The following PTPRT variants were observed in gnomAD, a reference collection of about 807,000 sequenced individuals.
The protein encoded by PTPRT is protein tyrosine phosphatase receptor type T, also known as receptor-type tyrosine-protein phosphatase T.
A neutral mutation model predicts 176.8 loss-of-function variants in PTPRT; 56 were observed. The ratio of observed to expected loss-of-function variants is 0.32; its 90% CI spans 0.26 to 0.40. The LOEUF (loss-of-function observed/expected upper bound fraction) is 0.40. PTPRT is among the 10% of genes least tolerant of loss of function. PTPRT has a pLI of 1.00. For missense variants in PTPRT, 1,540 were observed against 1,908.2 expected, an observed-to-expected ratio of 0.81 and a Z score of 3.60; for synonymous variants, 783 against 739.0, an observed-to-expected ratio of 1.06 and a Z score of -0.96.
chr20:42,088,412 C>T (rs1212846362), intron 27 of PTPRT, among the ~76,000 whole-genome samples: 6 of 152,190 alleles, frequency 3.9e-5, no homozygotes, highest in South Asian at 2.1e-4. Flanking sequence ...ACAGCCATCT[C>T]ACCCTGAGAA....
At chr20:42,465,764 GT>G (rs2071092212) in intron 8 of PTPRT, among the ~76,000 whole-genome samples, 2 of 152,126 alleles carry the variant, frequency 1.3e-5, no homozygotes, top group African/African-American at 4.8e-5. Context: ...TTTTAATGGT[GT>G]TTTTATTTCT....
chr20:42,178,030 T>G (rs1054351545), intron 16 of PTPRT, among the ~76,000 whole-genome samples: 3 of 151,992 alleles, frequency 2.0e-5, no homozygotes, highest in Non-Finnish European at 4.4e-5. Flanking sequence ...CTCTGCCACC[T>G]GGGTTCAAGC....
In PTPRT at chr20:42,562,724, T is replaced by C. The variant is rs997696221; in HGVS notation, c.1154-90162A>G. On this transcript the variant is annotated intron_variant, in intron 7 of 30. Coordinates refer to ENST00000373187, the MANE Select transcript of PTPRT (RefSeq NM_007050.6). ...CACCTGAGGCTCAGCAGGTTCTACA[T>C]GGAGTCCATCACCCTCATCACTCAG... Among the ~76,000 whole-genome samples the C allele has an allele frequency of 8.5e-5, 13 of 152,304 alleles. No homozygotes were observed. The East Asian group carries it at 2.1e-3, about 25-fold the overall frequency.
chr20:43,173,209 T>G (rs895617231), intron 1 of PTPRT, among the ~76,000 whole-genome samples: 3 of 152,120 alleles, frequency 2.0e-5, no homozygotes, highest in African/African-American at 4.8e-5. Flanking sequence ...GAAGGAAGAT[T>G]CAGCCAAGAA....
intron 15 of PTPRT, among the ~76,000 whole-genome samples, chr20:42,209,445 T>TA (rs1478409396): frequency 6.6e-6 from 1 of 151,648 alleles, no homozygotes; most frequent in Non-Finnish European, 1.5e-5. Context: ...ATAGACACAA[T>TA]AAAAAATGAT....
intron 9 of PTPRT, among the ~76,000 whole-genome samples, chr20:42,355,577 G>T (rs1051275530): frequency 1.3e-5 from 2 of 152,192 alleles, no homozygotes; most frequent in African/African-American, 4.8e-5. Flanking sequence ...ACAGAGCAAA[G>T]CCCAGAGCCA....
At chr20:42,299,774 A>C (rs947533285) in intron 12 of PTPRT, among the ~76,000 whole-genome samples, 4 of 148,380 alleles carry the variant, frequency 2.7e-5, no homozygotes, top group Non-Finnish European at 5.9e-5. Context: ...CAGCCTCCCG[A>C]GTAGCTGGGA....
chr20:42,805,604 T>C (rs1202474098), intron 2 of PTPRT, among the ~76,000 whole-genome samples: 1 of 152,190 alleles, frequency 6.6e-6, no homozygotes, highest in Non-Finnish European at 1.5e-5. Context: ...TGAAACAAGT[T>C]GAATAGGGCT....
chr20:42,520,892 C>T (rs1453392188), intron 7 of PTPRT, among the ~76,000 whole-genome samples: 1 of 144,094 alleles, frequency 6.9e-6, no homozygotes, highest in African/African-American at 2.6e-5. Flanking sequence ...TAGATAGTAA[C>T]TCATGCCTAA....
intron 22 of PTPRT, among the ~76,000 whole-genome samples, chr20:42,113,294 C>A (rs1987102367): frequency 6.6e-6 from 1 of 152,226 alleles, no homozygotes; most frequent in Admixed American, 6.5e-5. Flanking sequence ...GCTGCAATTC[C>A]TCAAGGCCTC....
At chr20:42,089,591 A>G (rs570411666) in intron 27 of PTPRT, among the ~76,000 whole-genome samples, 10 of 152,268 alleles carry the variant, frequency 6.6e-5, no homozygotes, top group African/African-American at 2.4e-4. Context: ...TTTCTGGGTC[A>G]CTCTCTCATA....
At chr20:42,441,849 TCAATAGCGGCC>T (rs2059319075) in intron 9 of PTPRT, among the ~76,000 whole-genome samples, 1 of 152,240 alleles carries the variant, frequency 6.6e-6, no homozygotes, top group Non-Finnish European at 1.5e-5. Context: ...CGAGTTATAC[TCAATAGCGGCC>T]TGCATTATGC....
intron 1 of PTPRT, among the ~76,000 whole-genome samples, chr20:43,051,963 G>A (rs1219642689): frequency 1.3e-5 from 2 of 152,072 alleles, no homozygotes; most frequent in African/African-American, 4.8e-5. Flanking sequence ...AACTTTTAAA[G>A]GTAATTTTGA....
rs1274682260 is a variant in PTPRT, at chr20:42,533,385, C to A, written c.1154-60823G>T. Reference sequence around the variant, plus strand: ...GCAGTGAGCCGTCTCTCTCAGGAATCTTGATCTTCTTTCTGAAGACCACAG... The same window carrying A: ...GCAGTGAGCCGTCTCTCTCAGGAATATTGATCTTCTTTCTGAAGACCACAG... On this transcript the variant is annotated intron_variant, in intron 7 of 30. Transcript: ENST00000373187. Among the ~76,000 whole-genome samples the A allele has an allele frequency of 3.3e-5, 5 of 152,312 alleles. No individual in the cohort carries two copies. The East Asian group carries it at 9.7e-4, about 30-fold the overall frequency.
chr20:42,410,159 T>C lies in PTPRT; in HGVS notation c.1560+38061A>G, dbSNP rs372148033. Among the ~76,000 whole-genome samples, 16 of 152,200 alleles carry C rather than the reference T, an allele frequency of 1.1e-4. No individual in the cohort carries two copies. In the East Asian group the frequency reaches 2.3e-3, roughly 22 times the overall value. ...GGGTGAAAATAAATTATTGAAAGCATTTAATTCAAAAATATTGGTGAAAAA... is the reference window on the plus strand; with the variant it reads ...GGGTGAAAATAAATTATTGAAAGCACTTAATTCAAAAATATTGGTGAAAAA... On this transcript the variant is annotated intron_variant, in intron 9 of 30. Coordinates refer to ENST00000373187, the MANE Select transcript of PTPRT (RefSeq NM_007050.6).
intron 2 of PTPRT, among the ~76,000 whole-genome samples, chr20:42,880,596 T>G (rs1224622443): frequency 6.6e-6 from 1 of 152,088 alleles, no homozygotes; most frequent in Non-Finnish European, 1.5e-5. Context: ...TTCAGGGCTG[T>G]ACCTCAGGGA....
At chr20:42,172,880 G>C (rs1256702730) in intron 16 of PTPRT, among the ~76,000 whole-genome samples, 2 of 152,130 alleles carry the variant, frequency 1.3e-5, no homozygotes, top group African/African-American at 2.4e-5. Context: ...CTGGTTACTA[G>C]ATTCTGGGAG....
intron 16 of PTPRT, among the ~76,000 whole-genome samples, chr20:42,176,224 T>C (rs1990284264): frequency 1.3e-5 from 2 of 152,198 alleles, no homozygotes; most frequent in South Asian, 4.1e-4. Context: ...TGTTGATAAA[T>C]ACAATGTTTG....
chr20:42,252,569 T>C (rs2056564907), intron 13 of PTPRT, among the ~76,000 whole-genome samples: 1 of 152,006 alleles, frequency 6.6e-6, no homozygotes, highest in Non-Finnish European at 1.5e-5. Flanking sequence ...GAAGAGAATG[T>C]TTCAAAAAGG....
Sources: allele counts gnomAD v4.1 joint callset (sites outside exome capture counted in the v4.1 genomes callset), GRCh38; gene constraint gnomAD v4.1.1; transcripts MANE v1.5; gene names NCBI Gene and HGNC (gene_info 2026-07-23, HGNC 2026-07-21).